C6orf62: variants seen among roughly 807,000 people sequenced by gnomAD.
C6orf62 encodes uncharacterized protein C6orf62.
In C6orf62, 16 loss-of-function variants were observed where a neutral mutation model predicts 26.8. The observed-to-expected ratio is 0.60, with a 90% confidence interval of 0.40 to 0.91. The LOEUF (loss-of-function observed/expected upper bound fraction) is 0.91. Among genes scored for constraint, C6orf62 ranks in the 40% least tolerant of loss-of-function variants. The pLI is 0.00. For missense variants in C6orf62, 192 were observed against 271.4 expected (o/e 0.71, Z 2.06); for synonymous variants, 112 against 91.5 (o/e 1.22, Z -1.28).
In C6orf62 at chr6:24,704,982, A is replaced by G. The variant is rs756848559; in HGVS notation, c.*1155T>C. Reference sequence around the variant, plus strand: ...TAAATACAATTGGAAACTGGTAAGCACTAGTTTTACTCCAAAGGAGTAGGA... The same window carrying G: ...TAAATACAATTGGAAACTGGTAAGCGCTAGTTTTACTCCAAAGGAGTAGGA... On this transcript the variant is annotated 3_prime_UTR_variant, in exon 5 of 5. Coordinates refer to ENST00000378119, the MANE Select transcript of C6orf62 (RefSeq NM_030939.5). 1.3e-5 allele frequency: 2 copies of G among 151,670 alleles called. No individual in the cohort carries two copies. Among genetic ancestry groups the G allele is most frequent in the Non-Finnish European group, 2.9e-5 (2 of 67,838 alleles). The allele number at this position is 151,670 out of a possible 1,614,324, so 9.4% of individuals were successfully genotyped here.
upstream of C6orf62, chr6:24,720,121 T>C: frequency 1.4e-6 from 2 of 1,384,690 alleles, no homozygotes; most frequent in South Asian, 1.6e-5. Flanking sequence ...TCGTTAGTTG[T>C]TTCCCGAGGG....
chr6:24,706,125 C>T lies in C6orf62; in HGVS notation c.*12G>A. On this transcript the variant is annotated 3_prime_UTR_variant, in exon 5 of 5. Coordinates refer to ENST00000378119, the MANE Select transcript of C6orf62 (RefSeq NM_030939.5). ...GCATTCTCTGATCTTCTCCATTTTG[C>T]TGGTCAGTACTCTACTCTGGCATAT... The T allele has an allele frequency of 1.2e-6, 2 of 1,608,958 alleles. No homozygotes were observed. The highest frequency in any genetic ancestry group is 2.2e-5 in the East Asian group (1 of 44,810).
At chr6:24,711,278 A>G (rs1779116122) in intron 3 of C6orf62, among the ~76,000 whole-genome samples, 1 of 151,810 alleles carries the variant, frequency 6.6e-6, no homozygotes, top group Admixed American at 6.6e-5. Context: ...ACAACTTCTC[A>G]TAAGCAGCAT....
chr6:24,712,582 T>G (rs1344671941), intron 3 of C6orf62, among the ~76,000 whole-genome samples: 1 of 147,458 alleles, frequency 6.8e-6, no homozygotes, highest in African/African-American at 2.5e-5. Flanking sequence ...GGCAGGAGAA[T>G]CATTTGAACC....
intron 2 of C6orf62, among the ~76,000 whole-genome samples, chr6:24,714,997 G>A (rs1207618954): frequency 2.0e-5 from 3 of 152,102 alleles, no homozygotes; most frequent in Non-Finnish European, 4.4e-5. Flanking sequence ...ACTTATCAGT[G>A]CATGGTGAAA....
intron 3 of C6orf62, 74 bp from the exon 4 acceptor site, chr6:24,708,985 G>C: frequency 6.3e-7 from 1 of 1,582,298 alleles, no homozygotes; most frequent in Non-Finnish European, 8.6e-7. Flanking sequence ...TATGCTAGCT[G>C]TGCTGTCCAA....
intron 4 of C6orf62, chr6:24,706,974 C>T (rs1262516898): frequency 6.6e-6 from 1 of 152,126 alleles, no homozygotes; most frequent in African/African-American, 2.4e-5. Context: ...CAAAGTATTA[C>T]CAGTTAAATC....
At chr6:24,709,637 A>C in intron 3 of C6orf62, 1 of 985,450 alleles carries the variant, frequency 1.0e-6, no homozygotes, top group South Asian at 4.7e-5. Context: ...TTTTTCCCAC[A>C]GTTAGCCTTG....
chr6:24,714,332 A>G lies in C6orf62; in HGVS notation c.415T>C (p.Phe139Leu). The change falls in exon 3 of 5, where the codon TTT becomes CTT. Residue 139 changes from phenylalanine (F) to leucine (L), a missense_variant. Phe to Leu is a conservative substitution (Grantham distance 22). Transcript: ENST00000378119. ...FSRWKESDEPFRPVQAKFEFH... is the reference protein window; with the variant it reads ...FSRWKESDEPLRPVQAKFEFH... ...GACCAAAATACCTGAACAGGCCTAAAAGGCTCATCAGATTCTTTCCACCTA... is the reference window on the plus strand; with the variant it reads ...GACCAAAATACCTGAACAGGCCTAAGAGGCTCATCAGATTCTTTCCACCTA... 6.2e-7 allele frequency: 1 copy of G among 1,609,728 alleles called. No individual in the cohort carries two copies. The highest frequency in any genetic ancestry group is 8.5e-7 in the Non-Finnish European group (1 of 1,178,732).
upstream of C6orf62, chr6:24,719,384 G>T: frequency 9.9e-7 from 1 of 1,008,016 alleles, no homozygotes; most frequent in South Asian, 3.9e-5. Flanking sequence ...CGGTAGAGAA[G>T]GAAAGGGAGA....
In C6orf62 at chr6:24,709,066, T is replaced by C. The variant is rs2294684; in HGVS notation, c.430-155A>G. The C allele has an allele frequency of 6.7e-3, 6,613 of 985,356 alleles. 32 individuals are homozygous for C. The highest frequency in any genetic ancestry group is 0.017 in the East Asian group (151 of 8,822). The allele number at this position is 985,356 out of a possible 1,614,324, so 61.0% of individuals were successfully genotyped here. Reference sequence around the variant, plus strand: ...ATTTTGGCAAACCCACAGCCAATAATATCACAGGCAAAATTTAGATTAAAA... The same window carrying C: ...ATTTTGGCAAACCCACAGCCAATAACATCACAGGCAAAATTTAGATTAAAA... On this transcript the variant is annotated intron_variant, in intron 3 of 4. Transcript: ENST00000378119.
upstream of C6orf62, chr6:24,719,745 C>G: frequency 9.1e-6 from 14 of 1,538,628 alleles, no homozygotes; most frequent in Non-Finnish European, 1.1e-5. Flanking sequence ...GTGAGCATTG[C>G]CGAGGCAAAG....
upstream of C6orf62, chr6:24,720,277 G>T: frequency 3.1e-6 from 4 of 1,295,480 alleles, no homozygotes; most frequent in Non-Finnish European, 3.9e-6. Context: ...CGGTGGCGGC[G>T]GCGGAAGAGG....
intron 3 of C6orf62, chr6:24,710,627 C>G: frequency 2.0e-6 from 2 of 984,444 alleles, no homozygotes; most frequent in Non-Finnish European, 2.4e-6. Context: ...GTAAGTAACA[C>G]GGGAACATTA....
chr6:24,720,148 A>T, upstream of C6orf62: 3 of 1,350,588 alleles, frequency 2.2e-6, no homozygotes, highest in Non-Finnish European at 2.8e-6. Flanking sequence ...GGTGGAATTG[A>T]GGCAGCTAGG....
At position 24,706,035 on chromosome 6, in the gene C6orf62, G is replaced by A. The variant is rs1041511873; in HGVS notation, c.*102C>T. On this transcript the variant is annotated 3_prime_UTR_variant, in exon 5 of 5. Coordinates refer to ENST00000378119, the MANE Select transcript of C6orf62 (RefSeq NM_030939.5). ...TCAAAATGCATAGTGTTCTGTGCATGAGTCCATTTTCTTTAAACTCTGAAA... is the reference window on the plus strand; with the variant it reads ...TCAAAATGCATAGTGTTCTGTGCATAAGTCCATTTTCTTTAAACTCTGAAA... 37 of 1,490,084 alleles carry A rather than the reference G, an allele frequency of 2.5e-5. No individual in the cohort carries two copies. The highest frequency in any genetic ancestry group is 2.8e-5 in the African/African-American group (2 of 71,216). The allele number at this position is 1,490,084 out of a possible 1,614,324, so 92.3% of individuals were successfully genotyped here. A position where few individuals can be genotyped will look rare whatever the true frequency, so the allele number is the denominator to read the frequency against.
chr6:24,718,697 T>C lies in C6orf62; in HGVS notation c.-29A>G. ...GAAATACAGGTGGTACTAAAGCCTT[T>C]GGAAATTGTCACTAAACTATGGGCA... On this transcript the variant is annotated 5_prime_UTR_variant, in exon 1 of 5. Coordinates refer to ENST00000378119, the MANE Select transcript of C6orf62 (RefSeq NM_030939.5). 1 of 1,609,348 alleles carries C rather than the reference T, an allele frequency of 6.2e-7. No individual in the cohort carries two copies. The highest frequency in any genetic ancestry group is 8.5e-7 in the Non-Finnish European group (1 of 1,178,988).
intron 3 of C6orf62, chr6:24,709,319 C>A (rs1469607665): frequency 3.0e-6 from 3 of 985,242 alleles, no homozygotes; most frequent in Non-Finnish European, 2.4e-6. Context: ...TATTTTCAAA[C>A]CTACTCAGTC....
intron 1 of C6orf62, among the ~76,000 whole-genome samples, chr6:24,717,233 T>C (rs542059588): frequency 1.3e-5 from 2 of 152,308 alleles, no homozygotes; most frequent in East Asian, 3.9e-4. Context: ...ATGGTGCAAT[T>C]TGGGGCAATA....
Sources: gnomAD v4.1 joint callset for allele counts (sites outside exome capture counted in the v4.1 genomes callset) on GRCh38, gnomAD v4.1.1 for gene constraint, MANE v1.5 for transcripts, NCBI Gene and HGNC (gene_info 2026-07-23, HGNC 2026-07-21) for gene names.